The following PAM variants were observed in gnomAD, a reference collection of about 807,000 sequenced individuals.
PAM encodes peptidyl-glycine alpha-amidating monooxygenase.
In PAM, 72 loss-of-function variants were observed where a neutral mutation model predicts 122.1. That is an observed-to-expected ratio of 0.59 (90% CI 0.49 to 0.72). PAM has a LOEUF of 0.72. PAM is among the 30% of genes least tolerant of loss of function. PAM has a pLI of 0.00. For missense variants in PAM, 1,106 were observed against 1,183.7 expected (o/e 0.93, Z 0.96); for synonymous variants, 389 against 404.4 (o/e 0.96, Z 0.46).
intron 19 of PAM, among the ~76,000 whole-genome samples, 177 bp downstream of exon 19, chr5:103,007,188 T>TACACAC (rs1247892849): frequency 5.6e-5 from 6 of 106,460 alleles, no homozygotes; most frequent in African/African-American, 2.9e-4. Context: ...CACACACATA[T>TACACAC]ACATACACAC....
At chr5:102,995,034 A>G (rs1205228172) in intron 16 of PAM, among the ~76,000 whole-genome samples, 2 of 152,046 alleles carry the variant, frequency 1.3e-5, no homozygotes, top group Non-Finnish European at 2.9e-5. Flanking sequence ...GCCAAGATCT[A>G]TTGTTTTAGA....
chr5:102,923,692 T>A (rs1195325666), intron 5 of PAM, among the ~76,000 whole-genome samples: 4 of 152,238 alleles, frequency 2.6e-5, no homozygotes, highest in Non-Finnish European at 4.4e-5. Context: ...GTTACCGCAC[T>A]GAGTGCCTTA....
At chr5:102,877,988 AC>A (rs551326861) in intron 3 of PAM, among the ~76,000 whole-genome samples, 55 of 152,178 alleles carry the variant, frequency 3.6e-4, no homozygotes, top group African/African-American at 1.3e-3. Flanking sequence ...TGATTGTCAC[AC>A]TGCATTCCAG....
At chr5:102,971,009 G>T (rs181944847) in intron 14 of PAM, among the ~76,000 whole-genome samples, 1 of 152,042 alleles carries the variant, frequency 6.6e-6, no homozygotes, top group African/African-American at 2.4e-5. Context: ...GTTTCACCAC[G>T]TAGGCCAGGC....
rs1398253414 is a variant in PAM, at chr5:102,827,889, TG to T, written c.-373-37933del. ...TTTTAGTAGAGACGGGGTTTCACCTTGTTAGCCAGGATGGTGAAGCTCACTA... is the reference window on the plus strand; with the variant it reads ...TTTTAGTAGAGACGGGGTTTCACCTTTTAGCCAGGATGGTGAAGCTCACTA... On this transcript the variant is annotated intron_variant, in intron 1 of 25. Coordinates refer to ENST00000438793, the MANE Select transcript of PAM (RefSeq NM_001177306.2). 5.0e-4 allele frequency among the ~76,000 whole-genome samples: 7 copies of T among 13,996 alleles called. 2 individuals are homozygous for T. The highest frequency in any genetic ancestry group is 0.062 in the Middle Eastern group (1 of 16). The allele number at this position is 13,996 out of a possible 152,430, so 9.2% of individuals were successfully genotyped here.
chr5:102,855,348 G>A (rs1782359530), intron 1 of PAM, among the ~76,000 whole-genome samples: 1 of 152,116 alleles, frequency 6.6e-6, no homozygotes, highest in African/African-American at 2.4e-5. Context: ...TGAAGAAAAG[G>A]ATAGCAAAAC....
At chr5:102,882,431 G>A (rs1357141101) in intron 3 of PAM, among the ~76,000 whole-genome samples, 2 of 151,778 alleles carry the variant, frequency 1.3e-5, no homozygotes, top group African/African-American at 2.4e-5. Flanking sequence ...GCAGGAGTAA[G>A]GTGGTATCAC....
At chr5:102,987,864 G>T (rs1772437203) in intron 15 of PAM, among the ~76,000 whole-genome samples, 1 of 152,038 alleles carries the variant, frequency 6.6e-6, no homozygotes. Flanking sequence ...TCTCCAAAAG[G>T]CATATCACAA....
At position 103,009,866 on chromosome 5, in the gene PAM, G is replaced by C; in HGVS notation, c.2331G>C (p.Lys777Asn). ...TAGACATCTTCAAGCCAGTGCGCAA[G>C]GTATTTACACACATTGTCTAGGTTT... ...EIIDIFKPVR[K>N]HFDMPHDIVA... Residue 777 changes from lysine to asparagine, a missense_variant and splice_region_variant, in exon 21 of 26, where the codon AAG (lysine) becomes AAC (asparagine). By Grantham distance (94) the Lys-to-Asn change is moderately conservative. Around this residue, in one of 3 missense-constraint regions of PAM, gnomAD observed 333 missense variants for 335.6 expected, o/e 0.99. Coordinates refer to ENST00000438793, the MANE Select transcript of PAM (RefSeq NM_001177306.2). The C allele has an allele frequency of 1.3e-6, 2 of 1,518,816 alleles. No individual in the cohort carries two copies. The highest frequency in any genetic ancestry group is 1.8e-6 in the Non-Finnish European group (2 of 1,096,746). The allele number at this position is 1,518,816 out of a possible 1,614,324, so 94.1% of individuals were successfully genotyped here. A position where few individuals can be genotyped will look rare whatever the true frequency, so the allele number is the denominator to read the frequency against.
At chr5:102,882,671 T>C (rs1484334520) in intron 3 of PAM, among the ~76,000 whole-genome samples, 1 of 152,114 alleles carries the variant, frequency 6.6e-6, no homozygotes, top group African/African-American at 2.4e-5. Context: ...CTGTGGGTTG[T>C]CTGTTTACTA....
At chr5:102,948,870 T>C (rs1757865214) in intron 9 of PAM, among the ~76,000 whole-genome samples, 1 of 152,068 alleles carries the variant, frequency 6.6e-6, no homozygotes, top group South Asian at 2.1e-4. Context: ...CTTACTTCTC[T>C]ACTTGCAAAA....
chr5:102,968,578 G>A (rs1043784946), intron 14 of PAM, among the ~76,000 whole-genome samples: 1 of 152,090 alleles, frequency 6.6e-6, no homozygotes, highest in Non-Finnish European at 1.5e-5. Context: ...TCAACAATTG[G>A]TAAGCAGCAA....
At chr5:102,760,458 G>A (rs1751994817) in intron 1 of PAM, among the ~76,000 whole-genome samples, 1 of 152,046 alleles carries the variant, frequency 6.6e-6, no homozygotes, top group South Asian at 2.1e-4. Flanking sequence ...CTTAATTATT[G>A]ATAGCCACTA....
chr5:102,801,612 T>C (rs1280885065), intron 1 of PAM, among the ~76,000 whole-genome samples: 1 of 152,158 alleles, frequency 6.6e-6, no homozygotes, highest in Non-Finnish European at 1.5e-5. Flanking sequence ...CATCCTGCTG[T>C]CAGATCTTGT....
intron 8 of PAM, among the ~76,000 whole-genome samples, chr5:102,947,974 T>A (rs1001557011): frequency 2.6e-5 from 4 of 152,092 alleles, no homozygotes; most frequent in African/African-American, 4.8e-5. Context: ...ACAGGCAGAA[T>A]CCTTTCCTTT....
upstream of PAM, chr5:102,754,857 A>AGG (rs1749662160): frequency 1.3e-5 from 2 of 152,362 alleles, no homozygotes; most frequent in African/African-American, 4.8e-5. Flanking sequence ...GAGACTCGGG[A>AGG]GGGTCAGAGA....
Position 102,959,898 on chromosome 5 carries a change from G to A in PAM, c.929G>A (p.Cys310Tyr). Residue 310 changes from cysteine (C) to tyrosine (Y), a missense_variant, in exon 13 of 26, where the codon TGC becomes TAC. Around this residue, in one of 3 missense-constraint regions of PAM, gnomAD observed 670 missense variants for 690.3 expected, o/e 0.97. Coordinates refer to ENST00000438793, the MANE Select transcript of PAM (RefSeq NM_001177306.2). ...HIGGTSSDEM[C>Y]NLYIMYYMEA... The stretch of plus-strand genomic sequence containing the variant: ...AGTGGCACGTCTAGTGATGAAATGT[G>A]CAACTTATACATTATGTATTACATG... 1 of 1,611,426 alleles carries A rather than the reference G, an allele frequency of 6.2e-7. No homozygotes were observed. Among genetic ancestry groups the A allele is most frequent in the Non-Finnish European group, 8.5e-7 (1 of 1,178,250 alleles).
rs116110833 is a variant in PAM, at chr5:102,803,760, A to G, written c.-374+48412A>G. Among the ~76,000 whole-genome samples the G allele has an allele frequency of 5.2e-3, 794 of 152,300 alleles. 7 individuals carry two copies. Among genetic ancestry groups the G allele is most frequent in the African/African-American group, 0.017 (704 of 41,546 alleles). ...AATAAATTTTGTATTTATTTATTGA[A>G]TAAGTATTTATTGAGGGAATGCCAA... On this transcript the variant is annotated intron_variant, in intron 1 of 25. Coordinates refer to ENST00000438793, the MANE Select transcript of PAM (RefSeq NM_001177306.2).
At chr5:102,993,276 A>C (rs953710665) in intron 16 of PAM, among the ~76,000 whole-genome samples, 4 of 152,120 alleles carry the variant, frequency 2.6e-5, no homozygotes, top group Non-Finnish European at 5.9e-5. Context: ...CATGGCAGCT[A>C]GAGCTCTTTA....
Sources: allele counts gnomAD v4.1 joint callset (sites outside exome capture counted in the v4.1 genomes callset), GRCh38; gene constraint gnomAD v4.1.1; regional missense constraint gnomAD v4.1.1; transcripts MANE v1.5; gene names NCBI Gene and HGNC (gene_info 2026-07-23, HGNC 2026-07-21).